SMC3: variants seen among roughly 807,000 people sequenced by gnomAD.
The protein encoded by SMC3 is structural maintenance of chromosomes protein 3.
A neutral mutation model predicts 171.8 loss-of-function variants in SMC3; 20 were observed. That is an observed-to-expected ratio of 0.12 (90% CI 0.08 to 0.17). SMC3 has a LOEUF of 0.17. SMC3 is among the 10% of genes least tolerant of loss of function. SMC3 has a pLI of 1.00. For missense variants in SMC3, 543 were observed against 1,420.4 expected (o/e 0.38, Z 9.93); for synonymous variants, 464 against 451.1 (o/e 1.03, Z -0.36).
At chr10:110,574,682 C>T (rs892239451) in intron 3 of SMC3, among the ~76,000 whole-genome samples, 1 of 147,894 alleles carries the variant, frequency 6.8e-6, no homozygotes, top group East Asian at 1.9e-4. Context: ...TGTGGGCACC[C>T]CCACCACCTC....
chr10:110,596,979 A>G (rs577610465), intron 19 of SMC3, among the ~76,000 whole-genome samples: 6 of 152,070 alleles, frequency 3.9e-5, no homozygotes, highest in Admixed American at 2.0e-4. Context: ...TCAAATATAT[A>G]AGGACTGGCA....
In SMC3 at chr10:110,603,018, A is replaced by G; in HGVS notation, c.3475+16A>G. 1 of 1,613,822 alleles carries G rather than the reference A, an allele frequency of 6.2e-7. No homozygotes were observed. Among genetic ancestry groups the G allele is most frequent in the Non-Finnish European group, 8.5e-7 (1 of 1,179,712 alleles). The stretch of plus-strand genomic sequence containing the variant: ...GCTGTGTCAGGTACAGTTTCAGTAC[A>G]GTTTTGGTTTTGTATTTAACAATAA... On this transcript the variant is annotated intron_variant, in intron 27 of 28. Transcript: ENST00000361804.
At chr10:110,598,064 GTGT>G in intron 19 of SMC3, 72 bp from the exon 20 acceptor site, 3 of 1,317,402 alleles carry the variant, frequency 2.3e-6, no homozygotes, top group South Asian at 2.4e-5. Flanking sequence ...GGGATACATG[GTGT>G]TGTGTCTAAA....
intron 18 of SMC3, among the ~76,000 whole-genome samples, chr10:110,593,730 A>G (rs1861247400): frequency 1.3e-5 from 2 of 148,772 alleles, no homozygotes; most frequent in Non-Finnish European, 3.0e-5. Context: ...ACATCTATAT[A>G]TAACCCCAGC....
intron 6 of SMC3, 103 bp downstream of exon 6, chr10:110,578,017 A>T: frequency 1.3e-6 from 1 of 773,708 alleles, no homozygotes; most frequent in Non-Finnish European, 2.3e-6. Flanking sequence ...GCCTCAAATG[A>T]TCCACCTCGG....
intron 17 of SMC3, 93 bp downstream of exon 17, chr10:110,591,225 TG>T (rs1861200169): frequency 8.4e-7 from 1 of 1,193,378 alleles, no homozygotes; most frequent in Non-Finnish European, 1.2e-6. Flanking sequence ...CACTATACAC[TG>T]GGATTCAGTG....
At chr10:110,596,665 C>G in intron 19 of SMC3, 115 bp downstream of exon 19, 1 of 963,912 alleles carries the variant, frequency 1.0e-6, no homozygotes, top group Non-Finnish European at 1.5e-6. Context: ...GTTTTAAGTT[C>G]AAGAGCTTAT....
rs1182613698 is a variant in SMC3, at chr10:110,574,603, G to A, written c.131-733G>A. ...GAAGTATTTCAGAATCTCCAGGGCA[G>A]TGTGAAGTCTCCTCACCTCGACCTG... On this transcript the variant is annotated intron_variant, in intron 3 of 28. Coordinates refer to ENST00000361804, the MANE Select transcript of SMC3 (RefSeq NM_005445.4). Among the ~76,000 whole-genome samples the A allele has an allele frequency of 2.6e-5, 4 of 152,224 alleles. No homozygotes were observed. The East Asian group carries it at 5.8e-4, about 22-fold the overall frequency.
intron 15 of SMC3, 61 bp downstream of exon 15, chr10:110,590,052 A>G: frequency 2.1e-6 from 3 of 1,446,476 alleles, no homozygotes; most frequent in Non-Finnish European, 2.9e-6. Flanking sequence ...TCGTTATGTA[A>G]TAATTTTTTA....
chr10:110,591,006 T>C lies in SMC3; in HGVS notation c.1686T>C (p.Ile562=). 1.2e-6 allele frequency: 2 copies of C among 1,612,884 alleles called. No homozygotes were observed. Among genetic ancestry groups the C allele is most frequent in the South Asian group, 2.2e-5 (2 of 91,048 alleles). Residue 562 remains isoleucine (I), a synonymous_variant, in exon 17 of 29, where the codon ATT becomes ATC. Transcript: ENST00000361804. ...VTAGNRLFYH[I]VDSDEVSTKI... is the part of the protein sequence containing the mutation. ...TTATATTTAGGTTATTTTATCACATTGTTGATTCAGATGAAGTCAGCACGA... is the reference window on the plus strand; with the variant it reads ...TTATATTTAGGTTATTTTATCACATCGTTGATTCAGATGAAGTCAGCACGA...
In SMC3 at chr10:110,583,376, T is replaced by C. The variant is rs1861061223; in HGVS notation, c.805-8T>C. Reference sequence around the variant, plus strand: ...TTGCCTTATTTTCTGTTTAATACTTTTGAATAGGATATCGAACGCCAAGTT... The same window carrying C: ...TTGCCTTATTTTCTGTTTAATACTTCTGAATAGGATATCGAACGCCAAGTT... On this transcript the variant is annotated splice_polypyrimidine_tract_variant and splice_region_variant and intron_variant, in intron 10 of 28. Coordinates refer to ENST00000361804, the MANE Select transcript of SMC3 (RefSeq NM_005445.4). The C allele has an allele frequency of 1.9e-6, 3 of 1,610,650 alleles. No homozygotes were observed. Among genetic ancestry groups the C allele is most frequent in the Non-Finnish European group, 2.5e-6 (3 of 1,177,764 alleles).
At chr10:110,577,394 C>A in intron 4 of SMC3, 27 bp from the exon 5 acceptor site, 2 of 1,559,392 alleles carry the variant, frequency 1.3e-6, no homozygotes, top group South Asian at 1.1e-5. Context: ...ACTTAAATGG[C>A]AAATTTCTCA....
At chr10:110,587,897 G>GTTAAA (rs2134733021) in intron 13 of SMC3, among the ~76,000 whole-genome samples, 1 of 152,292 alleles carries the variant, frequency 6.6e-6, no homozygotes, top group East Asian at 1.9e-4. Context: ...TAGGGAATTT[G>GTTAAA]TTAACTCTTT....
Position 110,596,519 on chromosome 10 carries a change from G to T in SMC3, c.2085G>T (p.Lys695Asn). The change falls in exon 19 of 29, where the codon AAG (lysine) becomes AAT (asparagine). Residue 695 changes from lysine (K) to asparagine (N), a missense_variant. Around this residue, in one of 8 missense-constraint regions of SMC3, gnomAD observed 218 missense variants for 509.6 expected, o/e 0.43. Transcript: ENST00000361804. The part of the protein sequence containing the change: ...AEEELGELEA[K>N]LNENLRRNIE... The stretch of plus-strand genomic sequence containing the variant: ...AAGAACTAGGTGAACTTGAAGCAAA[G>T]CTCAATGAAAACCTGCGCAGAAATA... 6.2e-7 allele frequency: 1 copy of T among 1,614,036 alleles called. No homozygotes were observed. Among genetic ancestry groups the T allele is most frequent in the Non-Finnish European group, 8.5e-7 (1 of 1,179,952 alleles).
chr10:110,599,136 C>T (rs1355430643), intron 20 of SMC3, among the ~76,000 whole-genome samples: 2 of 152,020 alleles, frequency 1.3e-5, no homozygotes, highest in Admixed American at 6.5e-5. Context: ...CTCGCCCTAT[C>T]GCCCAGGCTG....
chr10:110,599,992 G>T (rs932757498), intron 21 of SMC3, among the ~76,000 whole-genome samples, 180 bp downstream of exon 21: 9 of 151,828 alleles, frequency 5.9e-5, no homozygotes, highest in Admixed American at 2.0e-4. Flanking sequence ...ATCTAGCTAG[G>T]TTAGGATTAT....
chr10:110,576,606 T>G (rs11195192), intron 4 of SMC3, among the ~76,000 whole-genome samples: 17,721 of 152,258 alleles, frequency 0.12, 1,220 homozygotes, highest in East Asian at 0.26. Context: ...TAACAGTGTT[T>G]CTCACACATA....
At position 110,590,468 on chromosome 10, in the gene SMC3, A is replaced by G; in HGVS notation, c.1566A>G (p.Lys522=). The G allele has an allele frequency of 6.2e-7, 1 of 1,614,002 alleles. No individual in the cohort carries two copies. Among genetic ancestry groups the G allele is most frequent in the African/African-American group, 1.3e-5 (1 of 75,064 alleles). The part of the protein sequence containing the change: ...INKVLDHFRR[K]GINQHVQNGY... ...AAGTGCTAGACCACTTCCGTCGAAA[A>G]GGAATAAACCAGCATGTTCAAAATG... Residue 522 remains lysine (K), a synonymous_variant, in exon 16 of 29, where the codon AAA becomes AAG. Transcript: ENST00000361804.
rs188948162 is a variant in SMC3 at position 110,605,374 on chromosome 10, C to T, written c.*1072C>T. ...TCTACATAGACAGTCATGTCATTTG[C>T]AAGAAAGAGGCAGTTTTATTTCTTC... On this transcript the variant is annotated 3_prime_UTR_variant, in exon 29 of 29. Transcript: ENST00000361804. Among the ~76,000 whole-genome samples the T allele has an allele frequency of 1.7e-3, 262 of 152,240 alleles. 2 individuals are homozygous for T. The highest frequency in any genetic ancestry group is 6.0e-3 in the African/African-American group (249 of 41,532).
Sources: gnomAD v4.1 joint callset for allele counts (sites outside exome capture counted in the v4.1 genomes callset) on GRCh38, gnomAD v4.1.1 for gene constraint, gnomAD v4.1.1 regional missense constraint, MANE v1.5 for transcripts, NCBI Gene and HGNC (gene_info 2026-07-23, HGNC 2026-07-21) for gene names.